KLF12: variants seen among roughly 807,000 people sequenced by gnomAD.
KLF12 encodes Krueppel-like factor 12.
A neutral mutation model predicts 37.8 loss-of-function variants in KLF12; 9 were observed. That is an observed-to-expected ratio of 0.24 (90% CI 0.14 to 0.42). The LOEUF (loss-of-function observed/expected upper bound fraction) is 0.42, where lower values mean the gene tolerates loss of function less well. KLF12 is among the 10% of genes least tolerant of loss of function. The pLI, the probability that KLF12 is intolerant of heterozygous loss-of-function variation, is 1.00. For synonymous variants in KLF12, 208 were observed against 202.1 expected, an observed-to-expected ratio of 1.03 and a Z score of -0.25; for missense variants, 411 against 516.0, an observed-to-expected ratio of 0.80 and a Z score of 1.97.
At chr13:74,082,040 A>T (rs1410618212) in intron 1 of KLF12, among the ~76,000 whole-genome samples, 4 of 151,866 alleles carry the variant, frequency 2.6e-5, no homozygotes, top group Non-Finnish European at 5.9e-5. Context: ...AAAGAAAAAT[A>T]TTTTCGGCCA....
At chr13:74,046,994 GA>G (rs747197853) in intron 1 of KLF12, among the ~76,000 whole-genome samples, 3 of 151,788 alleles carry the variant, frequency 2.0e-5, no homozygotes, top group Non-Finnish European at 2.9e-5. Flanking sequence ...TGAAAAACAG[GA>G]AAAAAATCAA....
At chr13:73,721,447 C>T (rs1421163303) in intron 6 of KLF12, among the ~76,000 whole-genome samples, 4 of 152,168 alleles carry the variant, frequency 2.6e-5, no homozygotes, top group Non-Finnish European at 4.4e-5. Context: ...ATATACTTTT[C>T]TCTGGAGAAT....
At chr13:73,800,686 A>C (rs557265384) in intron 5 of KLF12, 3 of 152,122 alleles carry the variant, frequency 2.0e-5, no homozygotes, top group Non-Finnish European at 4.4e-5. Context: ...TTTACCTAAG[A>C]ATATCTAGTT....
the KLF12 span, among the ~76,000 whole-genome samples, chr13:74,229,470 G>C: frequency 6.6e-6 from 1 of 152,148 alleles, no homozygotes; most frequent in Non-Finnish European, 1.5e-5. Context: ...TCAGCTGCTT[G>C]TAAAAAGTAA....
chr13:73,928,408 A>G (rs547213216), intron 3 of KLF12, among the ~76,000 whole-genome samples: 1 of 152,348 alleles, frequency 6.6e-6, no homozygotes, highest in Admixed American at 6.5e-5. Flanking sequence ...TTCTCAATGA[A>G]TTGAGAAAAT....
chr13:73,907,840 G>T (rs776601176), intron 3 of KLF12, among the ~76,000 whole-genome samples: 1 of 152,072 alleles, frequency 6.6e-6, no homozygotes, highest in South Asian at 2.1e-4. Context: ...CCACATGATT[G>T]ACCCTCTCCC....
At chr13:73,969,939 G>A (rs1472123438) in intron 2 of KLF12, among the ~76,000 whole-genome samples, 1 of 152,128 alleles carries the variant, frequency 6.6e-6, no homozygotes, top group East Asian at 1.9e-4. Context: ...TTAACATAGA[G>A]ACCTCCTTAT....
the KLF12 span, among the ~76,000 whole-genome samples, chr13:74,156,478 C>T: frequency 1.3e-5 from 2 of 152,192 alleles, no homozygotes; most frequent in Non-Finnish European, 2.9e-5. Context: ...CTTTGAGTTA[C>T]AAACAATCCA....
At chr13:74,163,791 G>A in the KLF12 span, among the ~76,000 whole-genome samples, 1 of 151,938 alleles carries the variant, frequency 6.6e-6, no homozygotes, top group African/African-American at 2.4e-5. Flanking sequence ...TCTCCATGAT[G>A]TGCTTATTTC....
At chr13:73,973,636 A>ACACAATAT (rs974221296) in intron 2 of KLF12, among the ~76,000 whole-genome samples, 1 of 7,386 alleles carries the variant, frequency 1.4e-4, no homozygotes, top group African/African-American at 1.5e-4. Context: ...AGATTAACCA[A>ACACAATAT]CACAAGACAT....
chr13:74,083,966 T>C (rs1009945414), intron 1 of KLF12, among the ~76,000 whole-genome samples: 2 of 152,196 alleles, frequency 1.3e-5, no homozygotes, highest in East Asian at 1.9e-4. Flanking sequence ...TACAGTGAGA[T>C]AGGGAATGGC....
At chr13:74,204,563 G>T in the KLF12 span, among the ~76,000 whole-genome samples, 1 of 152,060 alleles carries the variant, frequency 6.6e-6, no homozygotes, top group Non-Finnish European at 1.5e-5. Flanking sequence ...TTTCTATGAA[G>T]ATCATTTAGG....
At chr13:73,876,695 T>C (rs929244725) in intron 3 of KLF12, among the ~76,000 whole-genome samples, 1 of 152,152 alleles carries the variant, frequency 6.6e-6, no homozygotes, top group Admixed American at 6.5e-5. Context: ...TTTTTTCAAT[T>C]CTGATTTCTA....
At chr13:74,082,439 A>G (rs549984583) in intron 1 of KLF12, among the ~76,000 whole-genome samples, 1 of 152,294 alleles carries the variant, frequency 6.6e-6, no homozygotes, top group East Asian at 1.9e-4. Context: ...AGATTATGTG[A>G]TATTAAACTA....
intron 2 of KLF12, among the ~76,000 whole-genome samples, chr13:73,967,368 G>A (rs553389252): frequency 6.6e-6 from 1 of 152,338 alleles, no homozygotes; most frequent in Admixed American, 6.5e-5. Flanking sequence ...AACGCATGGT[G>A]TATTCAACGC....
chr13:73,893,028 A>G (rs1401450280), intron 3 of KLF12, among the ~76,000 whole-genome samples: 2 of 145,386 alleles, frequency 1.4e-5, no homozygotes, highest in Admixed American at 6.8e-5. Flanking sequence ...TTGAAAGAGA[A>G]AAAAAAAAAA....
intron 1 of KLF12, among the ~76,000 whole-genome samples, chr13:74,098,305 C>T (rs538054798): frequency 6.6e-6 from 1 of 152,290 alleles, no homozygotes; most frequent in South Asian, 2.1e-4. Flanking sequence ...ACTATCAATA[C>T]TGCTTACCTC....
At chr13:74,237,417 C>T in the KLF12 span, among the ~76,000 whole-genome samples, 2,417 of 136,628 alleles carry the variant, frequency 0.018, 13 homozygotes, top group Middle Eastern at 0.023. Flanking sequence ...ATTGATTTGG[C>T]GACGCGGGCT....
intron 2 of KLF12, among the ~76,000 whole-genome samples, chr13:73,990,710 T>A (rs979478832): frequency 5.9e-5 from 9 of 152,282 alleles, no homozygotes; most frequent in Admixed American, 3.9e-4. Context: ...GGGTTTTTTT[T>A]AATTAACTGT....
Sources: allele counts gnomAD v4.1 joint callset (sites outside exome capture counted in the v4.1 genomes callset), GRCh38; gene constraint gnomAD v4.1.1; transcripts MANE v1.5; gene names NCBI Gene and HGNC (gene_info 2026-07-23, HGNC 2026-07-21).